Variants in COL4A5 observed in about 807,000 individuals in gnomAD.
COL4A5 encodes the protein collagen type IV alpha 5 chain, also known as collagen alpha-5(IV) chain.
In COL4A5, 26 loss-of-function variants were observed where a neutral mutation model predicts 130.2. The ratio of observed to expected loss-of-function variants is 0.20; its 90% CI spans 0.15 to 0.28. The LOEUF is 0.28. Among genes scored for constraint, COL4A5 ranks in the 10% least tolerant of loss-of-function variants. The probability of loss-of-function intolerance (pLI) is 1.00; values close to 1 mark genes in which losing one functional copy is unlikely to be tolerated. For synonymous variants in COL4A5, 496 were observed against 439.6 expected (o/e 1.13, Z -1.60); for missense variants, 1,131 against 1,344.3 (o/e 0.84, Z 2.48).
chrX:108,457,472 C>A (rs1022085614), intron 1 of COL4A5, among the ~76,000 whole-genome samples: 20 of 111,780 alleles, frequency 1.8e-4, no homozygotes, highest in African/African-American at 6.5e-4. Context: ...TACATCTTAG[C>A]AAGTAATTAA....
intron 1 of COL4A5, among the ~76,000 whole-genome samples, chrX:108,503,340 C>G (rs2065097973): frequency 8.9e-6 from 1 of 111,872 alleles, no homozygotes; most frequent in African/African-American, 3.3e-5. Context: ...CTCGTAAGAA[C>G]TTGAACAAGA....
chrX:108,645,581 A>T (rs980659138), intron 36 of COL4A5, among the ~76,000 whole-genome samples: 60 of 108,622 alleles, frequency 5.5e-4, no homozygotes, highest in Admixed American at 2.9e-3. Flanking sequence ...ACTTTTTTTT[A>T]AAATTATTAT....
intron 1 of COL4A5, among the ~76,000 whole-genome samples, chrX:108,500,100 T>C (rs969258992): frequency 1.8e-5 from 2 of 112,180 alleles, no homozygotes; most frequent in African/African-American, 6.5e-5. Context: ...TGTTACTCTA[T>C]AATTAGAAAG....
intron 19 of COL4A5, among the ~76,000 whole-genome samples, chrX:108,590,281 T>G (rs2147795178): frequency 9.0e-6 from 1 of 111,278 alleles, no homozygotes; most frequent in South Asian, 3.7e-4. Flanking sequence ...TGCCTTCCTC[T>G]TCACCAGCAA....
chrX:108,458,198 A>C (rs2064602733), intron 1 of COL4A5, among the ~76,000 whole-genome samples: 1 of 111,711 alleles, frequency 9.0e-6, no homozygotes, highest in Non-Finnish European at 1.9e-5. Flanking sequence ...ATGATTTTAT[A>C]GTTTTTGCTT....
intron 36 of COL4A5, among the ~76,000 whole-genome samples, chrX:108,634,661 T>C (rs1233784238): frequency 1.8e-5 from 2 of 111,891 alleles, no homozygotes; most frequent in East Asian, 5.6e-4. Context: ...CACTTTATTT[T>C]TCAATGTTTC....
chrX:108,618,493 T>C (rs1342645875), intron 30 of COL4A5, among the ~76,000 whole-genome samples: 1 of 111,890 alleles, frequency 8.9e-6, no homozygotes, highest in African/African-American at 3.2e-5. Context: ...AGATAAACAA[T>C]TGAAAAGCTG....
chrX:108,569,626 T>G (rs1169925464), intron 6 of COL4A5, among the ~76,000 whole-genome samples: 1 of 111,677 alleles, frequency 9.0e-6, no homozygotes, highest in African/African-American at 3.2e-5. Flanking sequence ...TCTGTAAAAC[T>G]ATTCATAAAA....
intron 40 of COL4A5, 146 bp from the exon 41 acceptor site, chrX:108,668,173 T>C (rs1309583748): frequency 3.8e-6 from 2 of 525,563 alleles, no homozygotes; most frequent in East Asian, 7.2e-5. Flanking sequence ...GAAGGATGGT[T>C]TTCTGGGTAG....
intron 10 of COL4A5, among the ~76,000 whole-genome samples, chrX:108,576,463 C>G (rs1027595410): frequency 8.9e-6 from 1 of 111,807 alleles, no homozygotes; most frequent in East Asian, 2.8e-4. Flanking sequence ...CCAAAAACTT[C>G]TACAGATCCT....
At chrX:108,554,346 GAA>G (rs1447363081) in intron 2 of COL4A5, among the ~76,000 whole-genome samples, 1 of 111,532 alleles carries the variant, frequency 9.0e-6, no homozygotes, top group Non-Finnish European at 1.9e-5. Context: ...GCGGGAAAGA[GAA>G]GAGTGAGGAG....
At chrX:108,529,608 G>A (rs2065359035) in intron 1 of COL4A5, among the ~76,000 whole-genome samples, 1 of 110,853 alleles carries the variant, frequency 9.0e-6, no homozygotes, top group African/African-American at 3.3e-5. Context: ...ATATTAAATG[G>A]CTGAATGAAT....
At chrX:108,629,972 T>A (rs904416926) in intron 36 of COL4A5, among the ~76,000 whole-genome samples, 4 of 111,630 alleles carry the variant, frequency 3.6e-5, no homozygotes, top group Non-Finnish European at 5.6e-5. Context: ...TCCATGTCCC[T>A]ACAAAGGACA....
intron 1 of COL4A5, among the ~76,000 whole-genome samples, chrX:108,496,410 T>C (rs1383441804): frequency 8.9e-6 from 1 of 111,959 alleles, no homozygotes; most frequent in Non-Finnish European, 1.9e-5. Flanking sequence ...TTCAACTCTA[T>C]TATGATCAGA....
intron 1 of COL4A5, among the ~76,000 whole-genome samples, chrX:108,526,593 C>CTCCTTCCT (rs1190065583): frequency 2.2e-5 from 1 of 45,097 alleles, no homozygotes; most frequent in African/African-American, 1.4e-4. Flanking sequence ...CCCTCCCTCC[C>CTCCTTCCT]TCCTTTCTTT....
intron 21 of COL4A5, among the ~76,000 whole-genome samples, chrX:108,593,100 G>T (rs938345873): frequency 1.8e-5 from 2 of 111,494 alleles, no homozygotes; most frequent in Admixed American, 9.5e-5. Flanking sequence ...TGGAGCTATT[G>T]TGAATAAAGC....
At chrX:108,498,119 A>G (rs1002049449) in intron 1 of COL4A5, among the ~76,000 whole-genome samples, 6 of 111,764 alleles carry the variant, frequency 5.4e-5, no homozygotes, top group Non-Finnish European at 7.5e-5. Context: ...TTTTTTCTAG[A>G]AACTTTAAAG....
chrX:108,546,364 A>G (rs2065654394), intron 2 of COL4A5, among the ~76,000 whole-genome samples: 2 of 111,711 alleles, frequency 1.8e-5, no homozygotes, highest in Non-Finnish European at 3.8e-5. Context: ...TTCTTCACTT[A>G]TGAAGTTTAG....
At chrX:108,538,900 G>A (rs188907328) in intron 1 of COL4A5, among the ~76,000 whole-genome samples, 33 of 111,839 alleles carry the variant, frequency 3.0e-4, no homozygotes, top group South Asian at 7.5e-4. Flanking sequence ...CTGGCTTGAG[G>A]ACCTCAATTC....
Sources: gnomAD v4.1 joint callset for allele counts (sites outside exome capture counted in the v4.1 genomes callset) on GRCh38, gnomAD v4.1.1 for gene constraint, MANE v1.5 for transcripts, NCBI Gene and HGNC (gene_info 2026-07-23, HGNC 2026-07-21) for gene names.